The following ATP8A2 variants were observed in gnomAD, a reference collection of about 807,000 sequenced individuals.
The protein encoded by ATP8A2 is phospholipid-transporting ATPase IB.
Under a neutral mutation model 165.6 loss-of-function variants are expected in ATP8A2, and 100 were observed. The observed-to-expected ratio is 0.60, with a 90% CI of 0.51 to 0.71. The LOEUF (loss-of-function observed/expected upper bound fraction) is 0.71, where lower values mean the gene tolerates loss of function less well. ATP8A2 is among the 30% of genes least tolerant of loss of function. The pLI, the probability that ATP8A2 is intolerant of heterozygous loss-of-function variation, is 0.00. For synonymous variants in ATP8A2, 543 were observed against 548.8 expected (o/e 0.99, Z 0.15); for missense variants, 1,227 against 1,479.5 (o/e 0.83, Z 2.80).
At chr13:25,536,448 A>G (rs990309599) in intron 6 of ATP8A2, among the ~76,000 whole-genome samples, 1 of 152,160 alleles carries the variant, frequency 6.6e-6, no homozygotes, top group Non-Finnish European at 1.5e-5. Context: ...AACACTTTCA[A>G]TTGACATAAC....
chr13:25,932,945 C>G (rs1431850525), intron 33 of ATP8A2, among the ~76,000 whole-genome samples: 1 of 152,192 alleles, frequency 6.6e-6, no homozygotes, highest in Non-Finnish European at 1.5e-5. Context: ...CTCCCAGGTT[C>G]AAGTGATTCT....
chr13:25,579,412 G>A (rs1167482776), intron 21 of ATP8A2, among the ~76,000 whole-genome samples: 3 of 152,130 alleles, frequency 2.0e-5, no homozygotes, highest in Non-Finnish European at 2.9e-5. Flanking sequence ...TCACACACAC[G>A]CATGGGTGTG....
chr13:25,857,010 T>C (rs1172195118), intron 30 of ATP8A2, among the ~76,000 whole-genome samples: 1 of 152,220 alleles, frequency 6.6e-6, no homozygotes, highest in Non-Finnish European at 1.5e-5. Flanking sequence ...TGTAACTTAT[T>C]CCATTTCATT....
At chr13:25,584,638 GCTATACC>G (rs1474707553) in intron 23 of ATP8A2, among the ~76,000 whole-genome samples, 1 of 152,096 alleles carries the variant, frequency 6.6e-6, no homozygotes. Flanking sequence ...ATTTCCCAGG[GCTATACC>G]CTACTTAATG....
chr13:25,781,868 G>A (rs1175668798), intron 27 of ATP8A2, among the ~76,000 whole-genome samples: 1 of 152,106 alleles, frequency 6.6e-6, no homozygotes, highest in Non-Finnish European at 1.5e-5. Context: ...CTTCTTGTTT[G>A]GGGAGCCTTA....
chr13:25,438,659 A>AG, intron 1 of ATP8A2, among the ~76,000 whole-genome samples: 1 of 152,332 alleles, frequency 6.6e-6, no homozygotes, highest in East Asian at 1.9e-4. Flanking sequence ...AAGAAAAAAA[A>AG]AGAGAGAGAT....
intron 30 of ATP8A2, among the ~76,000 whole-genome samples, chr13:25,842,124 C>T (rs1951758227): frequency 6.6e-6 from 1 of 152,180 alleles, no homozygotes; most frequent in African/African-American, 2.4e-5. Context: ...TAAAAAATAG[C>T]TGTTTCAAGT....
At chr13:25,673,396 G>T (rs1383066797) in intron 24 of ATP8A2, among the ~76,000 whole-genome samples, 1 of 152,220 alleles carries the variant, frequency 6.6e-6, no homozygotes, top group African/African-American at 2.4e-5. Context: ...TAGCTACAAA[G>T]CAGAGACTCT....
chr13:25,701,723 AAC>A (rs71077495), intron 25 of ATP8A2, among the ~76,000 whole-genome samples: 15,956 of 140,290 alleles, frequency 0.11, 931 homozygotes, highest in Non-Finnish European at 0.13. Context: ...TTGATACTAA[AAC>A]ACACACACAC....
intron 1 of ATP8A2, among the ~76,000 whole-genome samples, chr13:25,432,880 C>G (rs1031694518): frequency 2.6e-5 from 4 of 152,134 alleles, no homozygotes; most frequent in African/African-American, 9.7e-5. Flanking sequence ...ATGAGAGGGT[C>G]AGTTTGTGAC....
intron 24 of ATP8A2, among the ~76,000 whole-genome samples, chr13:25,650,980 A>G (rs2041798445): frequency 6.6e-6 from 1 of 152,176 alleles, no homozygotes; most frequent in African/African-American, 2.4e-5. Context: ...GGATTATGGT[A>G]CCACAGTTAC....
intron 24 of ATP8A2, among the ~76,000 whole-genome samples, chr13:25,625,833 A>G (rs1195131713): frequency 2.0e-5 from 3 of 152,190 alleles, no homozygotes; most frequent in Admixed American, 6.6e-5. Flanking sequence ...ACAACAGCCT[A>G]TGATGTGAAT....
chr13:25,962,263 A>G (rs1216049551), intron 34 of ATP8A2, among the ~76,000 whole-genome samples: 7 of 152,182 alleles, frequency 4.6e-5, no homozygotes, highest in Admixed American at 1.3e-4. Context: ...GAAGCTATGT[A>G]TAGGTAAGTC....
At chr13:25,543,477 TG>T in intron 10 of ATP8A2, 75 bp downstream of exon 10, 3 of 991,240 alleles carry the variant, frequency 3.0e-6, no homozygotes, top group Non-Finnish European at 4.6e-6. Flanking sequence ...AAAATGCAGA[TG>T]TTGCATTTAG....
chr13:25,731,785 C>G (rs1409110516), intron 25 of ATP8A2, among the ~76,000 whole-genome samples: 1 of 152,202 alleles, frequency 6.6e-6, no homozygotes, highest in African/African-American at 2.4e-5. Flanking sequence ...ACAAATGGGT[C>G]ACTTAGAACT....
At chr13:25,701,375 T>C (rs1234954934) in intron 25 of ATP8A2, among the ~76,000 whole-genome samples, 1 of 152,164 alleles carries the variant, frequency 6.6e-6, no homozygotes, top group Non-Finnish European at 1.5e-5. Context: ...TTTCCCTTTG[T>C]TTCTACATTG....
At chr13:25,534,669 G>C (rs954799739) in intron 6 of ATP8A2, among the ~76,000 whole-genome samples, 2 of 152,214 alleles carry the variant, frequency 1.3e-5, no homozygotes, top group African/African-American at 4.8e-5. Context: ...ACCGCATGCA[G>C]TTTTATTTCC....
intron 25 of ATP8A2, among the ~76,000 whole-genome samples, chr13:25,705,811 T>A (rs760982122): frequency 6.6e-6 from 1 of 152,248 alleles, no homozygotes; most frequent in Non-Finnish European, 1.5e-5. Flanking sequence ...ACACTTTTCA[T>A]TGGACGAAGG....
intron 1 of ATP8A2, among the ~76,000 whole-genome samples, chr13:25,402,239 C>T (rs1373507479): frequency 1.3e-5 from 2 of 152,156 alleles, no homozygotes; most frequent in Admixed American, 1.3e-4. Flanking sequence ...CAGTTTAAAA[C>T]TTATGAGTTG....
Sources: gnomAD v4.1 joint callset for allele counts (sites outside exome capture counted in the v4.1 genomes callset) on GRCh38, gnomAD v4.1.1 for gene constraint, MANE v1.5 for transcripts, NCBI Gene and HGNC (gene_info 2026-07-23, HGNC 2026-07-21) for gene names.